The following MEIOSIN variants were observed in gnomAD, a reference collection of about 807,000 sequenced individuals.
MEIOSIN encodes meiosis initiator, also known as meiosis initiator protein.
In MEIOSIN, 18 loss-of-function variants were observed where a neutral mutation model predicts 23.4. The observed-to-expected ratio is 0.77, with a 90% CI of 0.53 to 1.14. The LOEUF is 1.14. MEIOSIN is among the 50% of genes most tolerant of loss of function. The pLI, the probability that MEIOSIN is intolerant of heterozygous loss-of-function variation, is 0.00. For synonymous variants in MEIOSIN, 187 were observed against 100.6 expected (o/e 1.86, Z -5.14); for missense variants, 428 against 242.9 (o/e 1.76, Z -5.07).
At chr19:45,734,670 A>ATT (rs34632029) in intron 1 of MEIOSIN, among the ~76,000 whole-genome samples, 144 of 137,876 alleles carry the variant, frequency 1.0e-3, no homozygotes, top group Middle Eastern at 7.6e-3. Flanking sequence ...TGCCCAGGTA[A>ATT]TTTTTTTTTT....
intron 10 of MEIOSIN, 77 bp downstream of exon 10, chr19:45,759,110 G>T (rs1968892768): frequency 2.9e-6 from 2 of 687,430 alleles, no homozygotes; most frequent in East Asian, 5.4e-5. Flanking sequence ...GGGCCATCCT[G>T]GGTGCCCGGG....
intron 4 of MEIOSIN, among the ~76,000 whole-genome samples, chr19:45,746,313 TAGA>T (rs1166806164): frequency 1.3e-5 from 2 of 152,164 alleles, no homozygotes; most frequent in Non-Finnish European, 2.9e-5. Flanking sequence ...TGGTTCCTCT[TAGA>T]AGCTCTAGAG....
chr19:45,736,981 G>A (rs1968418862), intron 2 of MEIOSIN, among the ~76,000 whole-genome samples: 1 of 150,792 alleles, frequency 6.6e-6, no homozygotes, highest in Non-Finnish European at 1.5e-5. Flanking sequence ...CGATTCTCCT[G>A]CCTCAGCCTC....
intron 10 of MEIOSIN, 133 bp downstream of exon 10, chr19:45,759,166 G>A: frequency 1.6e-6 from 1 of 640,738 alleles, no homozygotes; most frequent in Non-Finnish European, 2.8e-6. Flanking sequence ...CGGCCTAGTG[G>A]GGGAGCAGCC....
At chr19:45,737,857 G>T (rs1257382895) in intron 2 of MEIOSIN, among the ~76,000 whole-genome samples, 1 of 151,778 alleles carries the variant, frequency 6.6e-6, no homozygotes, top group Non-Finnish European at 1.5e-5. Flanking sequence ...AGGAGGCAGA[G>T]GTTGCAGTGA....
intron 9 of MEIOSIN, among the ~76,000 whole-genome samples, 195 bp from the exon 10 acceptor site, chr19:45,758,683 G>T (rs1255104387): frequency 6.6e-6 from 1 of 152,174 alleles, no homozygotes; most frequent in Non-Finnish European, 1.5e-5. Context: ...GCCCACCTTG[G>T]CCTCCCAAAG....
chr19:45,758,952 C>G lies in MEIOSIN; in HGVS notation c.1087C>G (p.Leu363Val). ...GTGHPSEILG[L>V]SPSLFSSPGK... is the part of the protein sequence containing the mutation. ...AGGCCACCCAAGTGAGATCCTCGGG[C>G]TCAGCCCTAGCCTTTTCAGCTCCCC... is the stretch of plus-strand genomic sequence containing the variant. Residue 363 changes from leucine to valine, a missense_variant, in exon 10 of 15, where the codon CTC (leucine) becomes GTC (valine). Physicochemically the swap from Leu to Val is conservative, Grantham distance 32. Coordinates refer to ENST00000457052, the MANE Select transcript of MEIOSIN (RefSeq NM_001310124.2). The G allele has an allele frequency of 1.4e-6, 1 of 703,132 alleles. No homozygotes were observed. The highest frequency in any genetic ancestry group is 2.3e-4 in the Middle Eastern group (1 of 4,370). 43.6% of individuals were successfully genotyped at this position (703,132 alleles called of 1,614,324 possible).
intron 2 of MEIOSIN, among the ~76,000 whole-genome samples, chr19:45,738,074 G>A (rs73042383): frequency 0.012 from 1,880 of 152,140 alleles, 22 homozygotes; most frequent in Non-Finnish European, 0.02. Context: ...TTTTATTCAC[G>A]CATTCATTCA....
intron 7 of MEIOSIN, among the ~76,000 whole-genome samples, chr19:45,755,171 A>G (rs1197417133): frequency 7.3e-5 from 10 of 137,506 alleles, no homozygotes; most frequent in Non-Finnish European, 1.5e-4. Flanking sequence ...TTTTTTTGAG[A>G]TGGAGTCTTG....
chr19:45,737,920 CAA>C (rs747764457), intron 2 of MEIOSIN, among the ~76,000 whole-genome samples: 9 of 124,238 alleles, frequency 7.2e-5, no homozygotes, highest in South Asian at 2.7e-4. Flanking sequence ...AACTCTGTCT[CAA>C]AAAAAAAAAA....
At position 45,735,439 on chromosome 19, in the gene MEIOSIN, C is replaced by T; in HGVS notation, c.63C>T (p.Pro21=). The T allele has an allele frequency of 1.4e-6, 1 of 702,652 alleles. No homozygotes were observed. Among genetic ancestry groups the T allele is most frequent in the Non-Finnish European group, 2.6e-6 (1 of 384,838 alleles). The allele number at this position is 702,652 out of a possible 1,614,324, so 43.5% of individuals were successfully genotyped here. A position where few individuals can be genotyped will look rare whatever the true frequency, so the allele number is the denominator to read the frequency against. Residue 21 remains proline, a synonymous_variant, in exon 2 of 15, where the codon CCC becomes CCT. Transcript: ENST00000457052. The part of the protein sequence containing the change: ...SEQPRANSLG[P]SDRTLVLCSL... Reference sequence around the variant, plus strand: ...AGCCCAGAGCTAATTCACTGGGTCCCAGTGACAGGTAAGGGCTTGCCCCAT... The same window carrying T: ...AGCCCAGAGCTAATTCACTGGGTCCTAGTGACAGGTAAGGGCTTGCCCCAT...
Position 45,763,889 on chromosome 19 carries a change from C to G in MEIOSIN, c.1770-82C>G, listed in dbSNP as rs761038887. ...GCTAAAACGGTGGCCCAGGCCCCTGCGGGGACACAGGATTGGGAGTGGTAC... is the reference window on the plus strand; with the variant it reads ...GCTAAAACGGTGGCCCAGGCCCCTGGGGGGACACAGGATTGGGAGTGGTAC... On this transcript the variant is annotated intron_variant, in intron 14 of 14. Transcript: ENST00000457052. The G allele has an allele frequency of 1.5e-5, 6 of 398,246 alleles. No homozygotes were observed. The Admixed American group carries it at 2.6e-4, about 18-fold the overall frequency. 24.7% of individuals were successfully genotyped at this position (398,246 alleles called of 1,614,324 possible). A position where few individuals can be genotyped will look rare whatever the true frequency, so the allele number is the denominator to read the frequency against.
chr19:45,757,792 A>G (rs934410887), intron 9 of MEIOSIN, among the ~76,000 whole-genome samples: 1 of 152,000 alleles, frequency 6.6e-6, no homozygotes, highest in Non-Finnish European at 1.5e-5. Context: ...AAGTGTTGGG[A>G]TTACAGGCAT....
intron 4 of MEIOSIN, 43 bp downstream of exon 4, chr19:45,745,364 C>T (rs1411421079): frequency 5.8e-6 from 4 of 686,684 alleles, no homozygotes; most frequent in Non-Finnish European, 1.1e-5. Flanking sequence ...GGACGCAGGT[C>T]TTTAAATAGC....
chr19:45,748,527 A>C (rs903771034), intron 4 of MEIOSIN, among the ~76,000 whole-genome samples: 2 of 152,148 alleles, frequency 1.3e-5, no homozygotes, highest in African/African-American at 2.4e-5. Flanking sequence ...GGACCTGTTG[A>C]TCTTACCTTC....
At chr19:45,755,029 G>T (rs1182558796) in intron 7 of MEIOSIN, among the ~76,000 whole-genome samples, 3 of 152,214 alleles carry the variant, frequency 2.0e-5, no homozygotes, top group Non-Finnish European at 4.4e-5. Flanking sequence ...TCACTGCACT[G>T]GTTTGGAAAA....
intron 7 of MEIOSIN, among the ~76,000 whole-genome samples, chr19:45,755,735 G>A (rs10419334): frequency 2.0e-5 from 3 of 151,938 alleles, no homozygotes; most frequent in African/African-American, 4.8e-5. Flanking sequence ...TATGAGCCAC[G>A]GTGCCCAGCC....
At chr19:45,736,721 A>T (rs1968414052) in intron 2 of MEIOSIN, among the ~76,000 whole-genome samples, 1 of 151,184 alleles carries the variant, frequency 6.6e-6, no homozygotes, top group African/African-American at 2.4e-5. Flanking sequence ...GGCGCCCACC[A>T]CCATGCCTGG....
intron 3 of MEIOSIN, 83 bp downstream of exon 3, chr19:45,739,813 C>A: frequency 2.9e-6 from 2 of 694,058 alleles, no homozygotes; most frequent in South Asian, 1.5e-5. Flanking sequence ...CCCCTAAAAT[C>A]ATTCTGACAA....
Sources: allele counts gnomAD v4.1 joint callset (sites outside exome capture counted in the v4.1 genomes callset), GRCh38; gene constraint gnomAD v4.1.1; transcripts MANE v1.5; gene names NCBI Gene and HGNC (gene_info 2026-07-23, HGNC 2026-07-21).